Variants in IQCM observed in about 807,000 individuals in gnomAD.
IQCM encodes IQ domain-containing protein M.
A neutral mutation model predicts 57.6 loss-of-function variants in IQCM; 45 were observed. The observed-to-expected ratio is 0.78, with a 90% CI of 0.62 to 1.00. The LOEUF is 1.00. Among genes scored for constraint, IQCM ranks in the 50% least tolerant of loss-of-function variants. The probability of loss-of-function intolerance (pLI) is 0.00; values close to 1 mark genes in which losing one functional copy is unlikely to be tolerated. For synonymous variants in IQCM, 148 were observed against 158.9 expected (o/e 0.93, Z 0.51); for missense variants, 468 against 511.6 (o/e 0.91, Z 0.82).
chr4:149,356,560 T>C (rs191110560), intron 13 of IQCM, among the ~76,000 whole-genome samples: 26,761 of 151,836 alleles, frequency 0.18, 2,795 homozygotes, highest in Non-Finnish European at 0.24. Context: ...GTTGTAGATA[T>C]GCGGCATTAT....
In IQCM at chr4:149,726,202, TC is replaced by T. The variant is rs200899845; in HGVS notation, c.385+7041del. 6.9e-3 allele frequency among the ~76,000 whole-genome samples: 1,037 copies of T among 150,540 alleles called. 13 individuals are homozygous for T. Among genetic ancestry groups the T allele is most frequent in the Non-Finnish European group, 0.01 (684 of 67,006 alleles). On this transcript the variant is annotated intron_variant, in intron 5 of 13. Transcript: ENST00000636793. ...AACTATATTTTCACTTTCACATTTT[TC>T]CAAATTTGATTATTTCACCCTTCTC...
At chr4:149,424,959 C>A (rs1734363356) in intron 13 of IQCM, among the ~76,000 whole-genome samples, 1 of 151,926 alleles carries the variant, frequency 6.6e-6, no homozygotes, top group African/African-American at 2.4e-5. Flanking sequence ...AAGCATATTT[C>A]TTGCAGTTTA....
intron 7 of IQCM, among the ~76,000 whole-genome samples, chr4:149,635,506 C>A (rs1757642890): frequency 6.6e-6 from 1 of 152,106 alleles, no homozygotes; most frequent in Admixed American, 6.5e-5. Flanking sequence ...CTCCTGCCTA[C>A]TACAAAAAGG....
chr4:149,796,725 T>C (rs1480790126), intron 2 of IQCM, among the ~76,000 whole-genome samples: 2 of 152,198 alleles, frequency 1.3e-5, no homozygotes, highest in Non-Finnish European at 2.9e-5. Context: ...AGAAAGAGAC[T>C]CCATTTGTTT....
chr4:149,547,747 A>G (rs945951813), intron 12 of IQCM, among the ~76,000 whole-genome samples: 1 of 152,174 alleles, frequency 6.6e-6, no homozygotes, highest in Non-Finnish European at 1.5e-5. Flanking sequence ...ATGCATATGT[A>G]TCCCAAATCA....
intron 13 of IQCM, among the ~76,000 whole-genome samples, chr4:149,382,901 G>T (rs1286701347): frequency 6.6e-6 from 1 of 151,530 alleles, no homozygotes; most frequent in African/African-American, 2.4e-5. Flanking sequence ...TTTGCTAATG[G>T]CTGGTGCATC....
At chr4:149,419,375 A>G (rs1733969623) in intron 13 of IQCM, among the ~76,000 whole-genome samples, 1 of 152,170 alleles carries the variant, frequency 6.6e-6, no homozygotes, top group Admixed American at 6.6e-5. Flanking sequence ...AAACTTCACA[A>G]AAACAAGCAA....
At chr4:149,815,485 T>C (rs1422418057) in intron 1 of IQCM, 115 bp downstream of exon 1, 4 of 152,068 alleles carry the variant, frequency 2.6e-5, no homozygotes, top group South Asian at 2.1e-4. Context: ...AACTTATTTC[T>C]TTGAACAAAT....
At chr4:149,472,321 C>T (rs960092440) in intron 12 of IQCM, among the ~76,000 whole-genome samples, 4 of 152,116 alleles carry the variant, frequency 2.6e-5, no homozygotes, top group African/African-American at 9.7e-5. Flanking sequence ...TTCCTATACA[C>T]CAATAACAGA....
intron 5 of IQCM, among the ~76,000 whole-genome samples, chr4:149,729,158 C>T (rs552276065): frequency 3.3e-5 from 5 of 152,302 alleles, no homozygotes; most frequent in African/African-American, 1.2e-4. Context: ...CTTGAATAGA[C>T]AATGATTTTG....
intron 12 of IQCM, among the ~76,000 whole-genome samples, chr4:149,480,509 C>T (rs542118806): frequency 1.4e-4 from 22 of 152,162 alleles, no homozygotes; most frequent in African/African-American, 4.8e-4. Flanking sequence ...AGTGAGAACA[C>T]GCAATATTGG....
chr4:149,439,152 T>C (rs1349335863), intron 12 of IQCM, among the ~76,000 whole-genome samples: 1 of 151,982 alleles, frequency 6.6e-6, no homozygotes, highest in African/African-American at 2.4e-5. Context: ...CCTTTATAAA[T>C]CCAATCAAAA....
At chr4:149,607,300 T>C (rs1020818727) in intron 8 of IQCM, among the ~76,000 whole-genome samples, 1 of 152,030 alleles carries the variant, frequency 6.6e-6, no homozygotes, top group Non-Finnish European at 1.5e-5. Context: ...CCCTGTAAAA[T>C]TATCCTTCAA....
At chr4:149,576,178 C>T (rs777826932) in intron 9 of IQCM, among the ~76,000 whole-genome samples, 13 of 151,484 alleles carry the variant, frequency 8.6e-5, no homozygotes, top group Non-Finnish European at 8.8e-5. Context: ...TAGGGTGTAC[C>T]CGTGCAGGAT....
At chr4:149,674,096 T>A (rs1761544788) in intron 7 of IQCM, among the ~76,000 whole-genome samples, 1 of 152,078 alleles carries the variant, frequency 6.6e-6, no homozygotes, top group Admixed American at 6.6e-5. Context: ...CTTTGCAGAG[T>A]TGTTCACCAT....
At chr4:149,412,122 C>A (rs72953692) in intron 13 of IQCM, among the ~76,000 whole-genome samples, 2,770 of 151,822 alleles carry the variant, frequency 0.018, 56 homozygotes, top group African/African-American at 0.055. Context: ...CCCACACTTG[C>A]TCACCTTGCC....
At chr4:149,442,118 C>T (rs1736002982) in intron 12 of IQCM, among the ~76,000 whole-genome samples, 1 of 152,144 alleles carries the variant, frequency 6.6e-6, no homozygotes, top group African/African-American at 2.4e-5. Flanking sequence ...TCATTTCTAG[C>T]TGCTGCTTGA....
At chr4:149,715,198 C>T (rs1764886358) in intron 5 of IQCM, among the ~76,000 whole-genome samples, 1 of 152,190 alleles carries the variant, frequency 6.6e-6, no homozygotes, top group Admixed American at 6.5e-5. Context: ...GCCTGACAGG[C>T]TGTGCTCAGC....
intron 13 of IQCM, among the ~76,000 whole-genome samples, chr4:149,422,261 G>T (rs1734169833): frequency 6.6e-6 from 1 of 151,918 alleles, no homozygotes. Flanking sequence ...GCTTAAAATA[G>T]GCATACAAAG....
Sources: gnomAD v4.1 joint callset for allele counts (sites outside exome capture counted in the v4.1 genomes callset) on GRCh38, gnomAD v4.1.1 for gene constraint, MANE v1.5 for transcripts, NCBI Gene and HGNC (gene_info 2026-07-23, HGNC 2026-07-21) for gene names.